Variants in ASAP2 observed in about 807,000 individuals in gnomAD.
ASAP2 encodes ArfGAP with SH3 domain, ankyrin repeat and PH domain 2, also known as arf-GAP with SH3 domain, ANK repeat and PH domain-containing protein 2.
In ASAP2, 45 loss-of-function variants were observed where a neutral mutation model predicts 131.4. That is an observed-to-expected ratio of 0.34 (90% confidence interval 0.27 to 0.44). The LOEUF (loss-of-function observed/expected upper bound fraction) is 0.44, where lower values mean the gene tolerates loss of function less well. Among genes scored for constraint, ASAP2 ranks in the 20% least tolerant of loss-of-function variants. The pLI is 1.00. For synonymous variants in ASAP2, 510 were observed against 503.0 expected (o/e 1.01, Z -0.19); for missense variants, 1,011 against 1,297.0 (o/e 0.78, Z 3.39).
chr2:9,350,865 G>C lies in ASAP2; in HGVS notation c.1081G>C (p.Glu361Gln), dbSNP rs1243294080. 6.2e-7 allele frequency: 1 copy of C among 1,613,300 alleles called. No individual in the cohort carries two copies. The highest frequency in any genetic ancestry group is 8.5e-7 in the Non-Finnish European group (1 of 1,179,576). ...LLTCQVKTNP[E>Q]EKKCFDLISH... ...AACCTGCCAGGTGAAGACCAACCCT[G>C]AGGAGAAGAAGTGCTTTGACCTCAT... Residue 361 changes from glutamate to glutamine, a missense_variant, in exon 12 of 28, where the codon GAG (glutamate) becomes CAG (glutamine). Transcript: ENST00000281419.
chr2:9,384,538 C>T (rs774781953), intron 20 of ASAP2, among the ~76,000 whole-genome samples: 36 of 152,224 alleles, frequency 2.4e-4, no homozygotes, highest in Non-Finnish European at 5.0e-4. Flanking sequence ...TCTGACCAAC[C>T]GGCTTCAAGT....
At chr2:9,276,751 G>T (rs1005062985) in intron 1 of ASAP2, among the ~76,000 whole-genome samples, 6 of 152,094 alleles carry the variant, frequency 3.9e-5, no homozygotes, top group African/African-American at 1.4e-4. Flanking sequence ...TGTTGGCTAG[G>T]CTGGCCTCGA....
At chr2:9,293,972 T>TA (rs1452326581) in intron 2 of ASAP2, among the ~76,000 whole-genome samples, 1 of 151,786 alleles carries the variant, frequency 6.6e-6, no homozygotes, top group African/African-American at 2.4e-5. Flanking sequence ...CAATACATCG[T>TA]TTAGAAGATG....
chr2:9,318,159 G>A lies in ASAP2; in HGVS notation c.346-365G>A, dbSNP rs79769175. The stretch of plus-strand genomic sequence containing the variant: ...TACAGTCCAGCTTATGGGTGGAGCC[G>A]TGATTGAGAGTCAGAAGTGGGGGTT... On this transcript the variant is annotated intron_variant, in intron 3 of 27. Coordinates refer to ENST00000281419, the MANE Select transcript of ASAP2 (RefSeq NM_003887.3). 9.7e-3 allele frequency among the ~76,000 whole-genome samples: 1,482 copies of A among 152,294 alleles called. 29 individuals carry two copies. The highest frequency in any genetic ancestry group is 0.034 in the African/African-American group (1,408 of 41,548).
intron 1 of ASAP2, among the ~76,000 whole-genome samples, chr2:9,271,836 C>T (rs185721789): frequency 7.9e-5 from 12 of 152,010 alleles, no homozygotes; most frequent in Non-Finnish European, 1.5e-4. Flanking sequence ...TGGCTTATTT[C>T]CCTTAACATA....
intron 3 of ASAP2, among the ~76,000 whole-genome samples, chr2:9,309,501 C>T (rs147340030): frequency 6.6e-6 from 1 of 152,222 alleles, no homozygotes; most frequent in East Asian, 1.9e-4. Context: ...GCTGGGGTTG[C>T]AAAAGGGGCA....
At chr2:9,214,222 T>C (rs1486891262) in intron 1 of ASAP2, among the ~76,000 whole-genome samples, 1 of 152,172 alleles carries the variant, frequency 6.6e-6, no homozygotes, top group South Asian at 2.1e-4. Context: ...TTCCAGGTAC[T>C]TTTTTTCTTT....
At chr2:9,272,460 T>G (rs921539161) in intron 1 of ASAP2, among the ~76,000 whole-genome samples, 1 of 152,230 alleles carries the variant, frequency 6.6e-6, no homozygotes, top group Admixed American at 6.5e-5. Flanking sequence ...GGTTATTAAT[T>G]CCTTGTCAGA....
chr2:9,350,644 T>C, intron 11 of ASAP2, 164 bp from the exon 12 acceptor site: 1 of 552,346 alleles, frequency 1.8e-6, no homozygotes, highest in Non-Finnish European at 3.1e-6. Context: ...CAAAGGCCTC[T>C]GTAACTTGTC....
chr2:9,265,243 A>C (rs1394924974), intron 1 of ASAP2, among the ~76,000 whole-genome samples: 1 of 152,292 alleles, frequency 6.6e-6, no homozygotes, highest in East Asian at 1.9e-4. Context: ...GAGATGATTT[A>C]AAGCATGTGG....
chr2:9,346,916 TG>T (rs1672002506), intron 11 of ASAP2, among the ~76,000 whole-genome samples: 1 of 152,246 alleles, frequency 6.6e-6, no homozygotes, highest in East Asian at 1.9e-4. Context: ...TCTTTAAATT[TG>T]GATGGGTTGC....
rs747457549 is a variant in ASAP2 at position 9,376,979 on chromosome 2, T to C, written c.1818T>C (p.Phe606=). The change falls in exon 18 of 28, where the codon TTT becomes TTC. Residue 606 remains phenylalanine, a synonymous_variant. Coordinates refer to ENST00000281419, the MANE Select transcript of ASAP2 (RefSeq NM_003887.3). ...GAACCTCTCTTCACATTGTAGACTTTTTAGTTCAGAACAGGTAGGTGTTCT... is the reference window on the plus strand; with the variant it reads ...GAACCTCTCTTCACATTGTAGACTTCTTAGTTCAGAACAGGTAGGTGTTCT... The part of the protein sequence containing the change: ...VDRTSLHIVD[F]LVQNSGNLDK... 4 of 1,613,868 alleles carry C rather than the reference T, an allele frequency of 2.5e-6. No homozygotes were observed. The South Asian group carries it at 4.4e-5, about 18-fold the overall frequency.
chr2:9,270,785 A>ATTTTTTTCTTTTTTTTTTTTTTTT (rs1666300435), intron 1 of ASAP2, among the ~76,000 whole-genome samples: 1 of 52,926 alleles, frequency 1.9e-5, no homozygotes, highest in Non-Finnish European at 3.5e-5. Context: ...AATTGTTTTC[A>ATTTTTTTCTTTTTTTTTTTTTTTT]TTTTTTTTTT....
chr2:9,256,162 C>CAAAAA (rs71389235), intron 1 of ASAP2, among the ~76,000 whole-genome samples: 34 of 86,680 alleles, frequency 3.9e-4, no homozygotes, highest in East Asian at 8.3e-4. Flanking sequence ...GGGTCCCCTG[C>CAAAAA]AAAAAAAAAA....
chr2:9,208,471 A>C (rs1661304667), intron 1 of ASAP2, among the ~76,000 whole-genome samples: 1 of 151,910 alleles, frequency 6.6e-6, no homozygotes, highest in Admixed American at 6.6e-5. Context: ...CTTGAAAAAA[A>C]ATCCAGAATG....
intron 1 of ASAP2, among the ~76,000 whole-genome samples, chr2:9,231,255 G>T (rs867632695): frequency 1.3e-5 from 2 of 152,298 alleles, no homozygotes; most frequent in Middle Eastern, 3.4e-3. Context: ...CCAGGGAGCA[G>T]GTGACAGTTT....
chr2:9,359,534 T>C (rs906191781), intron 15 of ASAP2, among the ~76,000 whole-genome samples: 1 of 152,264 alleles, frequency 6.6e-6, no homozygotes, highest in Non-Finnish European at 1.5e-5. Flanking sequence ...TGAGCTTTCA[T>C]GACTGTCTTC....
At chr2:9,346,639 T>C (rs1463591380) in intron 11 of ASAP2, among the ~76,000 whole-genome samples, 1 of 152,214 alleles carries the variant, frequency 6.6e-6, no homozygotes, top group Non-Finnish European at 1.5e-5. Flanking sequence ...GTCCACTCGC[T>C]GTTTGTTTGA....
intron 3 of ASAP2, among the ~76,000 whole-genome samples, chr2:9,302,169 CT>C (rs57906310): frequency 0.059 from 4,858 of 82,750 alleles, 13 homozygotes; most frequent in African/African-American, 0.066. Context: ...AGTTAGAAGC[CT>C]TTTTTTTTTT....
Sources: gnomAD v4.1 joint callset for allele counts (sites outside exome capture counted in the v4.1 genomes callset) on GRCh38, gnomAD v4.1.1 for gene constraint, MANE v1.5 for transcripts, NCBI Gene and HGNC (gene_info 2026-07-23, HGNC 2026-07-21) for gene names.